PARP4: variants seen among roughly 807,000 people sequenced by gnomAD.
PARP4 encodes the protein protein mono-ADP-ribosyltransferase PARP4.
In PARP4, 120 loss-of-function variants were observed where a neutral mutation model predicts 187.7. The observed-to-expected ratio is 0.64, with a 90% CI of 0.55 to 0.74. PARP4 has a LOEUF of 0.74. PARP4 is among the 30% of genes least tolerant of loss of function. The pLI, the probability that PARP4 is intolerant of heterozygous loss-of-function variation, is 0.00. For missense variants in PARP4, 1,836 were observed against 2,070.5 expected (o/e 0.89, Z 2.20); for synonymous variants, 654 against 740.9 (o/e 0.88, Z 1.90).
chr13:24,508,324 G>A (rs112741526), intron 1 of PARP4, among the ~76,000 whole-genome samples: 4,212 of 152,214 alleles, frequency 0.028, 176 homozygotes, highest in African/African-American at 0.096. Context: ...GATGGGTCCT[G>A]GATGTGTTAA....
At chr13:24,441,559 T>C (rs1870927500) in intron 30 of PARP4, among the ~76,000 whole-genome samples, 1 of 152,296 alleles carries the variant, frequency 6.6e-6, no homozygotes. Flanking sequence ...CCTATTATAC[T>C]ACCTAAATGA....
At chr13:24,456,725 CCT>C (rs1288563674) in intron 20 of PARP4, among the ~76,000 whole-genome samples, 1 of 151,992 alleles carries the variant, frequency 6.6e-6, no homozygotes. Flanking sequence ...ATGGTGAAAC[CCT>C]GTCTCTACTA....
At chr13:24,497,601 C>T (rs1270018824) in intron 6 of PARP4, among the ~76,000 whole-genome samples, 1 of 152,208 alleles carries the variant, frequency 6.6e-6, no homozygotes, top group Admixed American at 6.5e-5. Context: ...CAAAAGAGAA[C>T]ACATTTCCCC....
chr13:24,464,238 C>T lies in PARP4; in HGVS notation c.2134-4102G>A, dbSNP rs142056241. ...CCATACTGCCCAAAGTAATGTATAG[C>T]TTCAATGCTACTCCTATTAAACTAC... On this transcript the variant is annotated intron_variant, in intron 17 of 33. Coordinates refer to ENST00000381989, the MANE Select transcript of PARP4 (RefSeq NM_006437.4). 2.9e-3 allele frequency among the ~76,000 whole-genome samples: 448 copies of T among 152,162 alleles called. 4 individuals carry two copies. Among genetic ancestry groups the T allele is most frequent in the African/African-American group, 0.01 (416 of 41,534 alleles).
rs145718843 is a variant in PARP4 at position 24,472,205 on chromosome 13, T to C, written c.1915-2180A>G. On this transcript the variant is annotated intron_variant, in intron 15 of 33. Transcript: ENST00000381989. Reference sequence around the variant, plus strand: ...GAGTCTGAGAGAATTAAGTACTGCATGTGGAAAACTCGGCTGAGGGCCTGA... The same window carrying C: ...GAGTCTGAGAGAATTAAGTACTGCACGTGGAAAACTCGGCTGAGGGCCTGA... Among the ~76,000 whole-genome samples, 78 of 152,292 alleles carry C rather than the reference T, an allele frequency of 5.1e-4. No individual in the cohort carries two copies. The East Asian group carries it at 9.7e-3, about 19-fold the overall frequency.
intron 3 of PARP4, among the ~76,000 whole-genome samples, chr13:24,500,923 T>C (rs1317373055): frequency 2.0e-5 from 3 of 152,240 alleles, no homozygotes; most frequent in Non-Finnish European, 4.4e-5. Context: ...TTGTAGTAAT[T>C]TGGAATCTGA....
At chr13:24,427,370 CT>C (rs35815244) in intron 32 of PARP4, among the ~76,000 whole-genome samples, 70 of 133,558 alleles carry the variant, frequency 5.2e-4, no homozygotes, top group African/African-American at 1.2e-3. Context: ...ATCCAAGCTT[CT>C]TTTTTTTTTT....
At position 24,424,713 on chromosome 13, in the gene PARP4, C is replaced by T. The variant is rs528775412; in HGVS notation, c.4979+1753G>A. ...TTGAGACGGAGTCTCACTCTGTCACCCAGGCTGGAGTGCAGTGGCACGATC... is the reference window on the plus strand; with the variant it reads ...TTGAGACGGAGTCTCACTCTGTCACTCAGGCTGGAGTGCAGTGGCACGATC... On this transcript the variant is annotated intron_variant, in intron 33 of 33. Transcript: ENST00000381989. 1.1e-3 allele frequency among the ~76,000 whole-genome samples: 168 copies of T among 146,770 alleles called. 3 individuals carry two copies. The East Asian group carries it at 0.019, about 16-fold the overall frequency.
At chr13:24,507,619 T>C (rs1593662937) in intron 1 of PARP4, among the ~76,000 whole-genome samples, 2 of 152,368 alleles carry the variant, frequency 1.3e-5, no homozygotes, top group Admixed American at 1.3e-4. Flanking sequence ...GCTGCCACCC[T>C]GGCCCATGCC....
Position 24,501,762 on chromosome 13 carries a change from C to T in PARP4, c.205G>A (p.Val69Ile), listed in dbSNP as rs145508195. 2.9e-4 allele frequency: 466 copies of T among 1,612,274 alleles called. 1 individual carries two copies. The African/African-American group carries it at 5.7e-3, about 20-fold the overall frequency. Residue 69 changes from valine (V) to isoleucine (I), a missense_variant, in exon 3 of 34, where the codon GTT (valine) becomes ATT (isoleucine). Physicochemically the swap from Val to Ile is conservative, Grantham distance 29. Around this residue, in one of 8 missense-constraint regions of PARP4, gnomAD observed 1,147 missense variants for 1,214.2 expected, o/e 0.94. Coordinates refer to ENST00000381989, the MANE Select transcript of PARP4 (RefSeq NM_006437.4). ...YQLNSIQKNH[V>I]HIANPDFIWK... ...ATAAAATCTGGGTTTGCAATATGAA[C>T]GTGGTTCTTTTGGATAGAATTCAGT...
At chr13:24,421,793 G>C (rs1169894109) in intron 33 of PARP4, among the ~76,000 whole-genome samples, 1 of 152,288 alleles carries the variant, frequency 6.6e-6, no homozygotes. Context: ...CGTAAACCAG[G>C]AACAACTTGG....
intron 6 of PARP4, among the ~76,000 whole-genome samples, chr13:24,495,933 G>A (rs1868921239): frequency 6.6e-6 from 1 of 152,196 alleles, no homozygotes; most frequent in African/African-American, 2.4e-5. Flanking sequence ...TATCAAGGTG[G>A]ACAGGCTTCT....
At chr13:24,471,762 T>A (rs1465117302) in intron 15 of PARP4, among the ~76,000 whole-genome samples, 1 of 152,212 alleles carries the variant, frequency 6.6e-6, no homozygotes, top group Non-Finnish European at 1.5e-5. Context: ...ACAAGTCATC[T>A]AATCCCAAGT....
chr13:24,458,907 A>G lies in PARP4; in HGVS notation c.2424+137T>C, dbSNP rs182168439. 4.8e-4 allele frequency: 321 copies of G among 671,208 alleles called. No homozygotes were observed. The African/African-American group carries it at 5.5e-3, about 12-fold the overall frequency. The allele number at this position is 671,208 out of a possible 1,614,324, so 41.6% of individuals were successfully genotyped here. On this transcript the variant is annotated intron_variant, in intron 20 of 33. Coordinates refer to ENST00000381989, the MANE Select transcript of PARP4 (RefSeq NM_006437.4). Reference sequence around the variant, plus strand: ...GTCTCTGGAAACTGGTCTGGGGAGAATCAGGGGCAGGAGTAGTGCTTCTTG... The same window carrying G: ...GTCTCTGGAAACTGGTCTGGGGAGAGTCAGGGGCAGGAGTAGTGCTTCTTG...
chr13:24,447,087 GGGC>G lies in PARP4; in HGVS notation c.3211_3213del (p.Ala1071del), dbSNP rs749933678. 3.1e-6 allele frequency: 5 copies of G among 1,612,336 alleles called. No individual in the cohort carries two copies. The highest frequency in any genetic ancestry group is 2.7e-5 in the African/African-American group (2 of 74,910). ...AGAAACAAGGACGGCACCTGGGCTG[GGGC>G]CTGCAGGGCCTCGGGCACATCTGGA... On this transcript the variant is annotated inframe_deletion, in exon 26 of 34. Transcript: ENST00000381989.
chr13:24,465,001 AAAG>A (rs1335073853), intron 17 of PARP4, among the ~76,000 whole-genome samples: 4 of 152,366 alleles, frequency 2.6e-5, no homozygotes, highest in Admixed American at 1.3e-4. Flanking sequence ...ACACTTCTCA[AAAG>A]AAGACATTTA....
intron 23 of PARP4, among the ~76,000 whole-genome samples, chr13:24,452,957 T>TG (rs1871607583): frequency 1.3e-5 from 2 of 152,118 alleles, no homozygotes; most frequent in African/African-American, 4.8e-5. Context: ...TTCTTTGAGA[T>TG]GGAGTCTCGC....
chr13:24,484,674 A>G lies in PARP4; in HGVS notation c.1427T>C (p.Ile476Thr), dbSNP rs1273482777. ...RTDVGNLGSG[I>T]YFSDSLSTSI... ...ATACCTGAGCGAATCACTGAAATAAATCCCACTTCCAAGGTTTCCGACGTC... is the reference window on the plus strand; with the variant it reads ...ATACCTGAGCGAATCACTGAAATAAGTCCCACTTCCAAGGTTTCCGACGTC... Residue 476 changes from isoleucine (I) to threonine (T), a missense_variant, in exon 12 of 34, where the codon ATT becomes ACT. By Grantham distance (89) the Ile-to-Thr change is moderately conservative. Around this residue, in one of 8 missense-constraint regions of PARP4, gnomAD observed 1,147 missense variants for 1,214.2 expected, o/e 0.94. Transcript: ENST00000381989. 6.2e-7 allele frequency: 1 copy of G among 1,610,672 alleles called. No homozygotes were observed. The highest frequency in any genetic ancestry group is 8.5e-7 in the Non-Finnish European group (1 of 1,176,766).
chr13:24,477,749 C>G lies in PARP4; in HGVS notation c.1741G>C (p.Glu581Gln). ...AACTCAGGTCTGTATTCCTCTAATTCAGTATGATCACTAGGATGAAAGTCC... is the reference window on the plus strand; with the variant it reads ...AACTCAGGTCTGTATTCCTCTAATTGAGTATGATCACTAGGATGAAAGTCC... ...IKDFHPSDHT[E>Q]LEEYRPEFSN... The change falls in exon 14 of 34, where the codon GAA becomes CAA. Residue 581 changes from glutamate to glutamine, a missense_variant. By Grantham distance (29) the Glu-to-Gln change is conservative. Transcript: ENST00000381989. The G allele has an allele frequency of 6.3e-7, 1 of 1,591,028 alleles. No homozygotes were observed. Among genetic ancestry groups the G allele is most frequent in the Non-Finnish European group, 8.6e-7 (1 of 1,166,560 alleles).
Sources: allele counts gnomAD v4.1 joint callset (sites outside exome capture counted in the v4.1 genomes callset), GRCh38; gene constraint gnomAD v4.1.1; regional missense constraint gnomAD v4.1.1; transcripts MANE v1.5; gene names NCBI Gene and HGNC (gene_info 2026-07-23, HGNC 2026-07-21).